The following SMIM31 variants were observed in gnomAD, a reference collection of about 807,000 sequenced individuals.
The protein encoded by SMIM31 is human epithelial cell program regulator.
chr4:164,759,426 T>C (rs2110917707), intron 1 of SMIM31, among the ~76,000 whole-genome samples: 1 of 152,314 alleles, frequency 6.6e-6, no homozygotes, highest in Middle Eastern at 3.4e-3. Context: ...GTATGTTACA[T>C]ATGTTAATTT....
At chr4:164,759,885 A>G (rs1258851845) in intron 1 of SMIM31, among the ~76,000 whole-genome samples, 1 of 152,264 alleles carries the variant, frequency 6.6e-6, no homozygotes, top group Non-Finnish European at 1.5e-5. Context: ...AATATAACAA[A>G]GCAGGCTAAG....
rs1475048039 is a variant in SMIM31 at position 164,802,202 on chromosome 4, C to A, written c.*1008C>A. The A allele has an allele frequency of 1.3e-5, 2 of 152,210 alleles. No homozygotes were observed. Among genetic ancestry groups the A allele is most frequent in the Non-Finnish European group, 2.9e-5 (2 of 68,170 alleles). 9.4% of individuals were successfully genotyped at this position (152,210 alleles called of 1,614,324 possible). The stretch of plus-strand genomic sequence containing the variant: ...GAGCTGAGATCATGCCACTGCACTC[C>A]AGCCTGGGCGACAGAGCAAGACTCT... On this transcript the variant is annotated 3_prime_UTR_variant, in exon 3 of 3. Transcript: ENST00000507311.
In SMIM31 at chr4:164,803,245, T is replaced by C. The variant is rs1733309841; in HGVS notation, c.*2051T>C. Reference sequence around the variant, plus strand: ...AGCCCATCTTACATATATTACTGCATTGACTGGAAATGGGAGGCACTTCAC... The same window carrying C: ...AGCCCATCTTACATATATTACTGCACTGACTGGAAATGGGAGGCACTTCAC... On this transcript the variant is annotated 3_prime_UTR_variant, in exon 3 of 3. Transcript: ENST00000507311. The C allele has an allele frequency of 6.6e-6, 1 of 152,150 alleles. No homozygotes were observed. Among genetic ancestry groups the C allele is most frequent in the African/African-American group, 2.4e-5 (1 of 41,422 alleles). 9.4% of individuals were successfully genotyped at this position (152,150 alleles called of 1,614,324 possible).
intron 2 of SMIM31, among the ~76,000 whole-genome samples, chr4:164,795,801 T>C (rs1355297270): frequency 6.6e-6 from 1 of 152,176 alleles, no homozygotes; most frequent in Non-Finnish European, 1.5e-5. Context: ...AATAACTGTT[T>C]ACTAATTGCT....
intron 2 of SMIM31, among the ~76,000 whole-genome samples, chr4:164,786,745 C>T (rs1459923775): frequency 2.6e-5 from 4 of 152,154 alleles, no homozygotes; most frequent in African/African-American, 9.7e-5. Flanking sequence ...TTTCCCTTAT[C>T]CCAAAGGACG....
chr4:164,778,253 A>C (rs555684052), intron 2 of SMIM31, among the ~76,000 whole-genome samples: 1 of 152,212 alleles, frequency 6.6e-6, no homozygotes, highest in Non-Finnish European at 1.5e-5. Flanking sequence ...ATAAACATAA[A>C]CCTTTCAGCA....
rs1733283375 is a variant in SMIM31, at chr4:164,801,477, A to G, written c.*283A>G. On this transcript the variant is annotated 3_prime_UTR_variant, in exon 3 of 3. Coordinates refer to ENST00000507311, the MANE Select transcript of SMIM31 (RefSeq NM_001352885.1). ...AAAGTGGTTACAATAATAAAATAGA[A>G]CACAGAGAAAGAAGAAAACTACATG... The G allele has an allele frequency of 4.1e-6, 1 of 244,468 alleles. No individual in the cohort carries two copies. The highest frequency in any genetic ancestry group is 2.2e-5 in the African/African-American group (1 of 45,072). The allele number at this position is 244,468 out of a possible 1,614,324, so 15.1% of individuals were successfully genotyped here.
chr4:164,769,337 T>C (rs1732762180), intron 1 of SMIM31, among the ~76,000 whole-genome samples: 1 of 152,158 alleles, frequency 6.6e-6, no homozygotes, highest in African/African-American at 2.4e-5. Context: ...AGCTCTCATC[T>C]TGACATTAAA....
intron 2 of SMIM31, among the ~76,000 whole-genome samples, chr4:164,797,375 C>T (rs954349693): frequency 6.7e-6 from 1 of 150,048 alleles, no homozygotes; most frequent in African/African-American, 2.5e-5. Flanking sequence ...AAACACAGAC[C>T]AATAGAATAT....
At chr4:164,764,587 T>C (rs1329178443) in intron 1 of SMIM31, among the ~76,000 whole-genome samples, 2 of 143,998 alleles carry the variant, frequency 1.4e-5, no homozygotes, top group African/African-American at 5.1e-5. Context: ...AAGAAAAAAA[T>C]AGAAAAAAAT....
At chr4:164,769,717 C>T (rs1732768176) in intron 1 of SMIM31, among the ~76,000 whole-genome samples, 1 of 147,462 alleles carries the variant, frequency 6.8e-6, no homozygotes, top group South Asian at 2.2e-4. Flanking sequence ...GCACGTTGTG[C>T]ACATGTACCC....
At chr4:164,755,214 T>C (rs1732541609) in intron 1 of SMIM31, among the ~76,000 whole-genome samples, 1 of 151,532 alleles carries the variant, frequency 6.6e-6, no homozygotes, top group Non-Finnish European at 1.5e-5. Flanking sequence ...GCACGGTGGC[T>C]CATGCCTGTA....
At chr4:164,800,064 C>G (rs2110968858) in intron 2 of SMIM31, among the ~76,000 whole-genome samples, 1 of 152,268 alleles carries the variant, frequency 6.6e-6, no homozygotes, top group Non-Finnish European at 1.5e-5. Flanking sequence ...AAACTAGTGG[C>G]AAAGAGTAAA....
rs951082512 is a variant in SMIM31, at chr4:164,781,674, C to T, written c.112+11119C>T. Among the ~76,000 whole-genome samples the T allele has an allele frequency of 1.2e-4, 18 of 152,178 alleles. No individual in the cohort carries two copies. In the East Asian group the frequency reaches 3.1e-3, roughly 26 times the overall value. On this transcript the variant is annotated intron_variant, in intron 2 of 2. Transcript: ENST00000507311. ...CCCCAACCCACCTCGTTGTGGCAAC[C>T]GATAATGTCTCCAGAGACTGCCAAA... is the stretch of plus-strand genomic sequence containing the variant.
rs868596808 is a variant in SMIM31 at position 164,769,077 on chromosome 4, C to A, written c.-25-1342C>A. Among the ~76,000 whole-genome samples the A allele has an allele frequency of 2.6e-5, 4 of 152,136 alleles. No individual in the cohort carries two copies. The East Asian group carries it at 7.7e-4, about 29-fold the overall frequency. On this transcript the variant is annotated intron_variant, in intron 1 of 2. Coordinates refer to ENST00000507311, the MANE Select transcript of SMIM31 (RefSeq NM_001352885.1). Reference sequence around the variant, plus strand: ...CACCCTCTGCACCCCATATGGCCAACAAGCTACCAAGATCCTTCTGCCCTT... The same window carrying A: ...CACCCTCTGCACCCCATATGGCCAAAAAGCTACCAAGATCCTTCTGCCCTT...
intron 1 of SMIM31, among the ~76,000 whole-genome samples, chr4:164,758,974 A>G (rs1161519994): frequency 6.6e-6 from 1 of 151,200 alleles, no homozygotes; most frequent in Non-Finnish European, 1.5e-5. Context: ...TGCCTCATAT[A>G]TGTAGTTTTT....
intron 1 of SMIM31, among the ~76,000 whole-genome samples, chr4:164,769,571 C>A (rs1179089789): frequency 3.6e-4 from 45 of 126,294 alleles, no homozygotes; most frequent in African/African-American, 1.1e-3. Flanking sequence ...CAGGAAGGGG[C>A]ACATCACACA....
intron 2 of SMIM31, among the ~76,000 whole-genome samples, chr4:164,777,921 A>G (rs1188028526): frequency 6.6e-6 from 1 of 152,234 alleles, no homozygotes; most frequent in Non-Finnish European, 1.5e-5. Context: ...CTGTTGTCCA[A>G]CTGTGTCAAT....
Position 164,792,181 on chromosome 4 carries a change from G to A in SMIM31, c.113-8910G>A, listed in dbSNP as rs555988562. Among the ~76,000 whole-genome samples the A allele has an allele frequency of 3.9e-5, 6 of 152,306 alleles. No homozygotes were observed. The East Asian group carries it at 1.2e-3, about 29-fold the overall frequency. ...GAATGCTCTCAAGTGACATCATGGT[G>A]CTAGGCCACAGACTACACTTTAAGT... On this transcript the variant is annotated intron_variant, in intron 2 of 2. Coordinates refer to ENST00000507311, the MANE Select transcript of SMIM31 (RefSeq NM_001352885.1).
Sources: gnomAD v4.1 joint callset for allele counts (sites outside exome capture counted in the v4.1 genomes callset) on GRCh38, gnomAD v4.1.1 for gene constraint, MANE v1.5 for transcripts, NCBI Gene and HGNC (gene_info 2026-07-23, HGNC 2026-07-21) for gene names.